The following FRMD5 variants were observed in gnomAD, a reference collection of about 807,000 sequenced individuals.
FRMD5 encodes the protein FERM domain containing 5.
A neutral mutation model predicts 69.0 loss-of-function variants in FRMD5; 20 were observed. The ratio of observed to expected loss-of-function variants is 0.29; its 90% confidence interval spans 0.20 to 0.42. The LOEUF (loss-of-function observed/expected upper bound fraction) is 0.42. Among genes scored for constraint, FRMD5 ranks in the 10% least tolerant of loss-of-function variants. FRMD5 has a pLI of 1.00. For missense variants in FRMD5, 595 were observed against 708.6 expected, an observed-to-expected ratio of 0.84 and a Z score of 1.82; for synonymous variants, 271 against 260.1, an observed-to-expected ratio of 1.04 and a Z score of -0.40.
At chr15:43,903,538 C>T (rs1427024319) in intron 6 of FRMD5, among the ~76,000 whole-genome samples, 2 of 152,154 alleles carry the variant, frequency 1.3e-5, no homozygotes, top group African/African-American at 4.8e-5. Flanking sequence ...ATTATGAAGA[C>T]GAGGCAGGAC....
chr15:43,890,544 T>G (rs1273152067), intron 8 of FRMD5, among the ~76,000 whole-genome samples: 2 of 152,200 alleles, frequency 1.3e-5, no homozygotes, highest in Admixed American at 6.5e-5. Flanking sequence ...AGCCCAGATG[T>G]ATCCAGGCAG....
chr15:43,998,002 T>C (rs561421566), intron 1 of FRMD5, among the ~76,000 whole-genome samples: 3 of 152,328 alleles, frequency 2.0e-5, no homozygotes, highest in South Asian at 2.1e-4. Context: ...ATATTATATA[T>C]AGTAAAATGG....
chr15:44,096,585 T>G (rs149910226), intron 1 of FRMD5, among the ~76,000 whole-genome samples: 4,684 of 152,024 alleles, frequency 0.031, 260 homozygotes, highest in African/African-American at 0.11. Flanking sequence ...GTATTTTTAA[T>G]AGAGACGAGG....
At chr15:44,097,802 G>T (rs1484458673) in intron 1 of FRMD5, among the ~76,000 whole-genome samples, 1 of 152,112 alleles carries the variant, frequency 6.6e-6, no homozygotes, top group Non-Finnish European at 1.5e-5. Context: ...CCAAACAATT[G>T]ATTTCAACTT....
chr15:44,194,991 G>T lies in FRMD5; in HGVS notation c.64C>A (p.Arg22=). ...GTGTACTCGCTGTCGTCCAGCAGCC[G>T]CACGGTGCAGCTGTACTCGCGCTCC... The part of the protein sequence containing the change: ...SLEREYSCTV[R]LLDDSEYTCT... Residue 22 remains arginine, a synonymous_variant, in exon 1 of 14, where the codon CGG becomes AGG. Transcript: ENST00000417257. 4 of 1,556,158 alleles carry T rather than the reference G, an allele frequency of 2.6e-6. No homozygotes were observed. The highest frequency in any genetic ancestry group is 2.6e-6 in the Non-Finnish European group (3 of 1,155,702).
chr15:44,159,815 C>T (rs532050910), intron 1 of FRMD5, among the ~76,000 whole-genome samples: 1 of 152,284 alleles, frequency 6.6e-6, no homozygotes, highest in East Asian at 1.9e-4. Flanking sequence ...CAAATAGCAG[C>T]TGAGATTTAA....
rs180751075 is a variant in FRMD5, at chr15:43,951,338, T to C, written c.103-27029A>G. On this transcript the variant is annotated intron_variant, in intron 1 of 13. Coordinates refer to ENST00000417257, the MANE Select transcript of FRMD5 (RefSeq NM_032892.5). ...TCGGGAGGCTGAGGCAGGAGAATGGTGTGAACCCAGGAGGCGGCACTTGCA... is the reference window on the plus strand; with the variant it reads ...TCGGGAGGCTGAGGCAGGAGAATGGCGTGAACCCAGGAGGCGGCACTTGCA... Among the ~76,000 whole-genome samples the C allele has an allele frequency of 1.4e-3, 210 of 150,618 alleles. 1 individual carries two copies. Among genetic ancestry groups the C allele is most frequent in the African/African-American group, 4.4e-3 (181 of 40,896 alleles).
chr15:44,142,918 G>A (rs1393266392), intron 1 of FRMD5, among the ~76,000 whole-genome samples: 6 of 152,070 alleles, frequency 3.9e-5, no homozygotes, highest in Admixed American at 6.5e-5. Flanking sequence ...GTGAAACCCC[G>A]TCTCTACTAA....
In FRMD5 at chr15:44,158,938, T is replaced by C. The variant is rs113803970; in HGVS notation, c.102+36015A>G. Among the ~76,000 whole-genome samples, 601 of 152,316 alleles carry C rather than the reference T, an allele frequency of 3.9e-3. 5 individuals carry two copies. The highest frequency in any genetic ancestry group is 0.014 in the African/African-American group (562 of 41,560). On this transcript the variant is annotated intron_variant, in intron 1 of 13. Transcript: ENST00000417257. ...ATCACAATATCATGGGCAAGTATCA[T>C]GGCAGGAGTATGCCCAGCATGGCAT...
intron 1 of FRMD5, among the ~76,000 whole-genome samples, chr15:44,060,104 G>A (rs1430941369): frequency 6.6e-6 from 1 of 152,206 alleles, no homozygotes; most frequent in Non-Finnish European, 1.5e-5. Context: ...AGAAGCAGAA[G>A]CAGAGGTTGG....
At chr15:43,980,685 A>AT (rs971869459) in intron 1 of FRMD5, among the ~76,000 whole-genome samples, 13 of 152,158 alleles carry the variant, frequency 8.5e-5, no homozygotes, top group Non-Finnish European at 1.2e-4. Context: ...CTGAAATCTG[A>AT]TTTTTTTTAT....
rs534144935 is a variant in FRMD5 at position 44,168,799 on chromosome 15, T to C, written c.102+26154A>G. 1.1e-4 allele frequency among the ~76,000 whole-genome samples: 17 copies of C among 152,352 alleles called. No homozygotes were observed. In the East Asian group the frequency reaches 2.3e-3, roughly 21 times the overall value. On this transcript the variant is annotated intron_variant, in intron 1 of 13. Coordinates refer to ENST00000417257, the MANE Select transcript of FRMD5 (RefSeq NM_032892.5). ...ATTTCATTTCTACCCAATCTTTCTC[T>C]TCTGATTCTCTCCGAGGTGCTGATC... is the stretch of plus-strand genomic sequence containing the variant.
At chr15:43,910,346 C>G (rs183583251) in intron 4 of FRMD5, among the ~76,000 whole-genome samples, 189 of 152,162 alleles carry the variant, frequency 1.2e-3, no homozygotes, top group Non-Finnish European at 2.4e-3. Flanking sequence ...CTGGGCCTCT[C>G]TCCGCCTTGG....
upstream of FRMD5, among the ~76,000 whole-genome samples, chr15:44,197,678 CAAA>C (rs5812271): frequency 7.1e-5 from 6 of 84,642 alleles, no homozygotes; most frequent in Admixed American, 1.3e-4. Context: ...GACTCCATCT[CAAA>C]AAAAAAAAAA....
chr15:44,043,197 T>C (rs925826472), intron 1 of FRMD5, among the ~76,000 whole-genome samples: 11 of 151,808 alleles, frequency 7.2e-5, no homozygotes, highest in Middle Eastern at 3.2e-3. Flanking sequence ...GAATAAAATA[T>C]CTAGGAATAC....
At chr15:43,971,025 G>A (rs530163566) in intron 1 of FRMD5, among the ~76,000 whole-genome samples, 2 of 151,982 alleles carry the variant, frequency 1.3e-5, no homozygotes, top group South Asian at 2.1e-4. Context: ...CGAGGAAGGC[G>A]AATCACCTGG....
At chr15:43,987,978 C>T (rs529191235) in intron 1 of FRMD5, among the ~76,000 whole-genome samples, 35 of 152,286 alleles carry the variant, frequency 2.3e-4, no homozygotes, top group African/African-American at 9.6e-5. Flanking sequence ...GAGACAGTGA[C>T]AGATCATCAA....
At chr15:43,963,209 A>T (rs2090233752) in intron 1 of FRMD5, among the ~76,000 whole-genome samples, 1 of 152,250 alleles carries the variant, frequency 6.6e-6, no homozygotes, top group South Asian at 2.1e-4. Context: ...CAAATTTACA[A>T]GAATAAAACA....
intron 7 of FRMD5, among the ~76,000 whole-genome samples, chr15:43,896,292 TCTC>T (rs2088910117): frequency 6.6e-6 from 1 of 152,196 alleles, no homozygotes; most frequent in South Asian, 2.1e-4. Context: ...GGACCCCAGC[TCTC>T]CTCCTTCTTT....
Sources: gnomAD v4.1 joint callset for allele counts (sites outside exome capture counted in the v4.1 genomes callset) on GRCh38, gnomAD v4.1.1 for gene constraint, MANE v1.5 for transcripts, NCBI Gene and HGNC (gene_info 2026-07-23, HGNC 2026-07-21) for gene names.